The following PCDH11X variants were observed in gnomAD, a reference collection of about 807,000 sequenced individuals.
PCDH11X encodes the protein protocadherin 11 X-linked.
PCDH11X carries 18 observed loss-of-function variants against 53.3 expected under a neutral mutation model. The ratio of observed to expected loss-of-function variants is 0.34; its 90% CI spans 0.23 to 0.50. The LOEUF (loss-of-function observed/expected upper bound fraction) is 0.50. Among genes scored for constraint, PCDH11X ranks in the 20% least tolerant of loss-of-function variants. The pLI is 0.98. For missense variants in PCDH11X, 570 were observed against 1,032.4 expected, an observed-to-expected ratio of 0.55 and a Z score of 6.14; for synonymous variants, 279 against 393.3, an observed-to-expected ratio of 0.71 and a Z score of 3.44.
chrX:92,504,842 A>C (rs1180518937), intron 10 of PCDH11X, among the ~76,000 whole-genome samples: 4 of 109,262 alleles, frequency 3.7e-5, no homozygotes, highest in African/African-American at 1.3e-4. Context: ...AGCCTTTTTC[A>C]CTAATTGTGG....
chrX:92,270,293 T>G (rs1409878067), intron 8 of PCDH11X, among the ~76,000 whole-genome samples: 1 of 109,293 alleles, frequency 9.1e-6, no homozygotes, highest in Non-Finnish European at 1.9e-5. Context: ...GTTTTTTGTG[T>G]GTGTGTTTTT....
rs190214521 is a variant in PCDH11X at position 92,490,396 on chromosome X, G to A, written c.3367+22074G>A. 1.1e-3 allele frequency among the ~76,000 whole-genome samples: 126 copies of A among 111,670 alleles called. 5 individuals are homozygous for A. Among genetic ancestry groups the A allele is most frequent in the Non-Finnish European group, 1.0e-3 (54 of 53,142 alleles). On this transcript the variant is annotated intron_variant, in intron 10 of 10. Transcript: ENST00000682573. Reference sequence around the variant, plus strand: ...TATTTTTCTTCCTTGCATTTATTGTGATGAAGCTGTCAAGTTTATGTCAGA... The same window carrying A: ...TATTTTTCTTCCTTGCATTTATTGTAATGAAGCTGTCAAGTTTATGTCAGA...
rs2073710873 is a variant in PCDH11X, at chrX:92,489,362, T to A, written c.3367+21040T>A. 2.7e-5 allele frequency among the ~76,000 whole-genome samples: 3 copies of A among 110,890 alleles called. No individual in the cohort carries two copies. The South Asian group carries it at 1.1e-3, about 42-fold the overall frequency. On this transcript the variant is annotated intron_variant, in intron 10 of 10. Coordinates refer to ENST00000682573, the MANE Select transcript of PCDH11X (RefSeq NM_032968.5). ...CTGAGCCGAAATGTTTGCCACAGGC[T>A]TAAATAACTAATTAGGCTTGGGGAA...
intron 6 of PCDH11X, among the ~76,000 whole-genome samples, chrX:92,118,960 T>C (rs12836292): frequency 1.8e-5 from 2 of 108,816 alleles, no homozygotes; most frequent in Non-Finnish European, 3.8e-5. Context: ...CCAGGATGGT[T>C]TCGATCTCCT....
intron 6 of PCDH11X, among the ~76,000 whole-genome samples, chrX:92,171,714 T>C (rs2065828785): frequency 9.0e-6 from 1 of 111,058 alleles, no homozygotes. Context: ...CCTGCCTCAG[T>C]TTCCCAAAGT....
At chrX:91,814,362 GA>G (rs1009244076) in intron 4 of PCDH11X, among the ~76,000 whole-genome samples, 8 of 109,281 alleles carry the variant, frequency 7.3e-5, no homozygotes, top group African/African-American at 1.7e-4. Flanking sequence ...ATAAAATTTT[GA>G]AAAAAAATTT....
At chrX:91,999,738 T>C (rs1218456666) in intron 6 of PCDH11X, among the ~76,000 whole-genome samples, 1 of 109,289 alleles carries the variant, frequency 9.2e-6, no homozygotes, top group African/African-American at 3.3e-5. Flanking sequence ...GAATGACCCA[T>C]TTGTAATAAC....
intron 6 of PCDH11X, among the ~76,000 whole-genome samples, chrX:92,065,680 C>A (rs1266652007): frequency 9.1e-6 from 1 of 110,470 alleles, no homozygotes; most frequent in Non-Finnish European, 1.9e-5. Flanking sequence ...CTATTCAAAT[C>A]TTTTGCCCAT....
chrX:92,274,247 T>C (rs2068027528), intron 8 of PCDH11X, among the ~76,000 whole-genome samples: 1 of 109,480 alleles, frequency 9.1e-6, no homozygotes, highest in Non-Finnish European at 1.9e-5. Flanking sequence ...CCTCTTTAAG[T>C]TGGTGGCTGA....
chrX:92,405,781 C>A (rs1383129169), intron 9 of PCDH11X, among the ~76,000 whole-genome samples: 2 of 110,146 alleles, frequency 1.8e-5, no homozygotes, highest in African/African-American at 6.6e-5. Flanking sequence ...ACACCTCTTA[C>A]AACAGATAAT....
chrX:92,532,964 A>C, intron 10 of PCDH11X, among the ~76,000 whole-genome samples: 1 of 110,045 alleles, frequency 9.1e-6, no homozygotes, highest in Non-Finnish European at 1.9e-5. Flanking sequence ...TATCATGGGA[A>C]TAGCACAGGA....
chrX:91,860,583 G>A (rs1938605535), intron 5 of PCDH11X, among the ~76,000 whole-genome samples: 2 of 111,785 alleles, frequency 1.8e-5, no homozygotes, highest in Admixed American at 1.9e-4. Context: ...CATTCAATAT[G>A]ATATTGGCTA....
intron 6 of PCDH11X, among the ~76,000 whole-genome samples, chrX:92,061,320 G>T (rs2476072): frequency 9.0e-6 from 1 of 111,678 alleles, no homozygotes; most frequent in Non-Finnish European, 1.9e-5. Context: ...TGCTGTGTAG[G>T]AGTTCTTGAG....
chrX:91,950,265 C>A (rs1358417345), intron 6 of PCDH11X, among the ~76,000 whole-genome samples: 5 of 106,105 alleles, frequency 4.7e-5, no homozygotes, highest in Non-Finnish European at 9.7e-5. Context: ...AGCGTACACT[C>A]TACTCAATAG....
chrX:92,393,308 T>C (rs777187119), intron 9 of PCDH11X, among the ~76,000 whole-genome samples: 1 of 110,872 alleles, frequency 9.0e-6, no homozygotes, highest in South Asian at 3.7e-4. Context: ...GCCTATATAA[T>C]AGTGTCAGTC....
At chrX:91,938,306 G>A (rs1335324021) in intron 6 of PCDH11X, among the ~76,000 whole-genome samples, 1 of 107,665 alleles carries the variant, frequency 9.3e-6, no homozygotes, top group African/African-American at 3.4e-5. Context: ...AAAAGAGAGA[G>A]AGAATATATG....
chrX:92,556,554 A>C (rs2075048895), intron 10 of PCDH11X, among the ~76,000 whole-genome samples: 1 of 112,024 alleles, frequency 8.9e-6, no homozygotes, highest in Admixed American at 9.5e-5. Flanking sequence ...TCTCACATCC[A>C]GGTCACACTG....
At chrX:92,468,444 C>T in intron 10 of PCDH11X, 122 bp downstream of exon 10, 1 of 836,245 alleles carries the variant, frequency 1.2e-6, no homozygotes, top group Middle Eastern at 3.2e-4. Context: ...CTGTTTGCTT[C>T]AAACACATTT....
intron 6 of PCDH11X, among the ~76,000 whole-genome samples, chrX:91,967,897 C>G (rs2147900106): frequency 9.0e-6 from 1 of 111,343 alleles, no homozygotes; most frequent in African/African-American, 3.3e-5. Context: ...CTTTCATTAA[C>G]AAGGCTGAAA....
Sources: allele counts gnomAD v4.1 joint callset (sites outside exome capture counted in the v4.1 genomes callset), GRCh38; gene constraint gnomAD v4.1.1; transcripts MANE v1.5; gene names NCBI Gene and HGNC (gene_info 2026-07-23, HGNC 2026-07-21).